ZNF146: variants seen among roughly 807,000 people sequenced by gnomAD.
ZNF146 encodes the protein zinc finger protein 146.
ZNF146 carries 9 observed loss-of-function variants against 22.2 expected under a neutral mutation model. The observed-to-expected ratio is 0.41, with a 90% confidence interval of 0.24 to 0.71. The LOEUF (loss-of-function observed/expected upper bound fraction) is 0.71. ZNF146 is among the 30% of genes least tolerant of loss of function. The pLI is 0.34. For synonymous variants in ZNF146, 108 were observed against 119.2 expected (o/e 0.91, Z 0.61); for missense variants, 194 against 344.8 (o/e 0.56, Z 3.46).
intron 2 of ZNF146, among the ~76,000 whole-genome samples, chr19:36,227,101 T>A (rs1330731436): frequency 7.1e-6 from 1 of 140,494 alleles, no homozygotes; most frequent in Non-Finnish European, 1.6e-5. Flanking sequence ...AAAAAATTTT[T>A]TTTTTGGCTG....
At chr19:36,224,585 G>C (rs903448178) in intron 2 of ZNF146, among the ~76,000 whole-genome samples, 1 of 152,152 alleles carries the variant, frequency 6.6e-6, no homozygotes, top group Non-Finnish European at 1.5e-5. Flanking sequence ...TTGTGGTATA[G>C]CTAGTCTCTT....
chr19:36,215,981 TG>T (rs1312089085), intron 1 of ZNF146, among the ~76,000 whole-genome samples: 1 of 152,200 alleles, frequency 6.6e-6, no homozygotes, highest in African/African-American at 2.4e-5. Context: ...GTATGGATTT[TG>T]TGAAGTAATG....
chr19:36,217,849 C>T (rs922611222), intron 1 of ZNF146, among the ~76,000 whole-genome samples: 2 of 149,336 alleles, frequency 1.3e-5, no homozygotes, highest in African/African-American at 5.0e-5. Context: ...TGCGCCATTG[C>T]ACTCCAACCT....
chr19:36,221,972 C>G (rs1976866707), intron 2 of ZNF146, among the ~76,000 whole-genome samples: 1 of 144,958 alleles, frequency 6.9e-6, no homozygotes, highest in Non-Finnish European at 1.5e-5. Context: ...CTCTGTCACC[C>G]AAGCTGGTGT....
chr19:36,234,162 A>T (rs2145458849), intron 3 of ZNF146, among the ~76,000 whole-genome samples: 1 of 152,344 alleles, frequency 6.6e-6, no homozygotes, highest in South Asian at 2.1e-4. Flanking sequence ...TTTAACGCTG[A>T]GTTGACACAG....
chr19:36,221,416 G>T (rs1976832925), intron 2 of ZNF146, among the ~76,000 whole-genome samples: 2 of 150,648 alleles, frequency 1.3e-5, no homozygotes, highest in Non-Finnish European at 2.9e-5. Context: ...AGCCTCCCGA[G>T]TAGCTGGGAC....
At chr19:36,225,550 A>C (rs1331832526) in intron 2 of ZNF146, among the ~76,000 whole-genome samples, 1 of 151,784 alleles carries the variant, frequency 6.6e-6, no homozygotes, top group Non-Finnish European at 1.5e-5. Context: ...TCCTAGGCTC[A>C]AGCAGTCCTT....
At chr19:36,234,361 CAAA>C (rs374641166) in intron 3 of ZNF146, among the ~76,000 whole-genome samples, 1 of 150,428 alleles carries the variant, frequency 6.6e-6, no homozygotes, top group Admixed American at 6.6e-5. Context: ...AAGACTGTCT[CAAA>C]AAAAAAGGGA....
intron 1 of ZNF146, among the ~76,000 whole-genome samples, chr19:36,216,988 G>A (rs954010699): frequency 1.6e-4 from 24 of 150,220 alleles, no homozygotes; most frequent in African/African-American, 5.6e-4. Context: ...GAGCCTAGGA[G>A]GTCAAGGCTG....
At chr19:36,219,198 C>G (rs1302458659) in intron 2 of ZNF146, among the ~76,000 whole-genome samples, 1 of 152,158 alleles carries the variant, frequency 6.6e-6, no homozygotes, top group Non-Finnish European at 1.5e-5. Flanking sequence ...CTCACTCTGG[C>G]TCAGGCTGGG....
chr19:36,233,662 A>G (rs1977499592), intron 3 of ZNF146, among the ~76,000 whole-genome samples: 1 of 152,204 alleles, frequency 6.6e-6, no homozygotes, highest in Non-Finnish European at 1.5e-5. Flanking sequence ...CAAGGTAAAG[A>G]AAAAAGTGCT....
chr19:36,224,015 G>A (rs1197376482), intron 2 of ZNF146, among the ~76,000 whole-genome samples: 2 of 152,076 alleles, frequency 1.3e-5, no homozygotes, highest in African/African-American at 4.8e-5. Context: ...TTATCCTGGT[G>A]TATGCTATCA....
At chr19:36,219,773 GTTGT>G (rs991089682) in intron 2 of ZNF146, among the ~76,000 whole-genome samples, 13 of 151,918 alleles carry the variant, frequency 8.6e-5, no homozygotes, top group South Asian at 4.1e-4. Context: ...TTTTGTTGTT[GTTGT>G]TTGTTTGTTT....
chr19:36,214,816 C>T (rs1013162083), upstream of ZNF146: 6 of 152,664 alleles, frequency 3.9e-5, no homozygotes, highest in Admixed American at 3.9e-4. Context: ...GCCCACGAGT[C>T]TTCGGAGAGG....
intron 3 of ZNF146, among the ~76,000 whole-genome samples, chr19:36,229,418 C>T (rs1209676581): frequency 2.6e-5 from 4 of 152,190 alleles, no homozygotes; most frequent in Non-Finnish European, 4.4e-5. Context: ...AATTACAGCT[C>T]ACTGTGGCCT....
rs1977724016 is a variant in ZNF146, at chr19:36,238,416, GA to G, written c.*1098del. The G allele has an allele frequency of 6.0e-6, 1 of 167,072 alleles. No homozygotes were observed. Among genetic ancestry groups the G allele is most frequent in the Non-Finnish European group, 1.5e-5 (1 of 68,112 alleles). The allele number at this position is 167,072 out of a possible 1,614,324, so 10.3% of individuals were successfully genotyped here. A position where few individuals can be genotyped will look rare whatever the true frequency, so the allele number is the denominator to read the frequency against. Reference sequence around the variant, plus strand: ...GGAAAATAATGAGTGTGGGAGGTGGGATGGGTATTGGTTAAAGGGGACTTCA... The same window carrying G: ...GGAAAATAATGAGTGTGGGAGGTGGGTGGGTATTGGTTAAAGGGGACTTCA... On this transcript the variant is annotated 3_prime_UTR_variant, in exon 4 of 4. Transcript: ENST00000443387.
intron 2 of ZNF146, among the ~76,000 whole-genome samples, chr19:36,226,909 C>A (rs1325288234): frequency 1.3e-5 from 2 of 151,670 alleles, no homozygotes; most frequent in Non-Finnish European, 2.9e-5. Context: ...CACAGAGAAA[C>A]TCCGTCTCTA....
In ZNF146 at chr19:36,225,434, C is replaced by T. The variant is rs147948948; in HGVS notation, c.-854-3314C>T. ...CTTTTGTGGTCTATTTATAGCTTTG[C>T]TTCCTTCTTAAAAGTTTTGTGTCTT... On this transcript the variant is annotated intron_variant, in intron 2 of 3. Transcript: ENST00000443387. 6.5e-3 allele frequency among the ~76,000 whole-genome samples: 983 copies of T among 152,104 alleles called. 8 individuals are homozygous for T. Among genetic ancestry groups the T allele is most frequent in the South Asian group, 0.023 (109 of 4,818 alleles).
chr19:36,214,775 G>GT, upstream of ZNF146: 1 of 152,818 alleles, frequency 6.5e-6, no homozygotes, highest in South Asian at 2.1e-4. Context: ...TTATCTCTGA[G>GT]TCGGGGCCTG....
Sources: gnomAD v4.1 joint callset for allele counts (sites outside exome capture counted in the v4.1 genomes callset) on GRCh38, gnomAD v4.1.1 for gene constraint, MANE v1.5 for transcripts, NCBI Gene and HGNC (gene_info 2026-07-23, HGNC 2026-07-21) for gene names.